The following KAZN variants were observed in gnomAD, a reference collection of about 807,000 sequenced individuals.
KAZN encodes kazrin.
KAZN carries 40 observed loss-of-function variants against 87.4 expected under a neutral mutation model. The ratio of observed to expected loss-of-function variants is 0.46; its 90% CI spans 0.36 to 0.60. The LOEUF (loss-of-function observed/expected upper bound fraction) is 0.60. KAZN is among the 20% of genes least tolerant of loss of function. The probability of loss-of-function intolerance (pLI) is 0.00; values close to 1 mark genes in which losing one functional copy is unlikely to be tolerated. For synonymous variants in KAZN, 466 were observed against 458.3 expected (o/e 1.02, Z -0.22); for missense variants, 898 against 1,073.9 (o/e 0.84, Z 2.29).
chr1:14,602,099 G>A (rs1383479169), intron 1 of KAZN, among the ~76,000 whole-genome samples: 1 of 152,132 alleles, frequency 6.6e-6, no homozygotes, highest in Non-Finnish European at 1.5e-5. Flanking sequence ...CAGTAGGTAG[G>A]TTGGTATCCC....
intron 1 of KAZN, among the ~76,000 whole-genome samples, chr1:14,938,239 C>A (rs1052571498): frequency 1.1e-4 from 17 of 152,146 alleles, no homozygotes; most frequent in Non-Finnish European, 1.5e-4. Context: ...AGATTAAGAT[C>A]ATTTGTATTG....
chr1:14,610,278 G>A (rs1677711800), intron 1 of KAZN, among the ~76,000 whole-genome samples: 1 of 152,178 alleles, frequency 6.6e-6, no homozygotes, highest in African/African-American at 2.4e-5. Flanking sequence ...CACAATCTCT[G>A]CTCACTGCAA....
intron 2 of KAZN, among the ~76,000 whole-genome samples, chr1:14,538,287 G>A (rs1406928161): frequency 6.6e-6 from 1 of 152,180 alleles, no homozygotes; most frequent in African/African-American, 2.4e-5. Context: ...GAAATTGTAT[G>A]TTTTTCTGAA....
chr1:14,464,974 A>T (rs1254817386), intron 2 of KAZN, among the ~76,000 whole-genome samples: 1 of 152,076 alleles, frequency 6.6e-6, no homozygotes, highest in Non-Finnish European at 1.5e-5. Flanking sequence ...TTATTATATT[A>T]CATCTCCTGA....
chr1:14,057,285 C>T (rs945057467), intron 1 of KAZN, among the ~76,000 whole-genome samples: 1 of 151,946 alleles, frequency 6.6e-6, no homozygotes, highest in African/African-American at 2.4e-5. Context: ...CAGGTGCTTA[C>T]CACCACACCG....
At chr1:14,999,501 T>A (rs201831598) in intron 2 of KAZN, among the ~76,000 whole-genome samples, 2 of 74,622 alleles carry the variant, frequency 2.7e-5, no homozygotes, top group African/African-American at 1.5e-4. Context: ...CCTGCCCCCC[T>A]CCCCCCGCCC....
chr1:14,225,371 A>G lies in KAZN; in HGVS notation c.249+44779A>G, dbSNP rs562833059. The stretch of plus-strand genomic sequence containing the variant: ...GAGAATTACAAAACACAGCTAAAGG[A>G]GATCAGAGATGACACAAACAAATGG... On this transcript the variant is annotated intron_variant, in intron 2 of 16. Coordinates refer to the KAZN transcript ENST00000636203. 2.5e-4 allele frequency among the ~76,000 whole-genome samples: 38 copies of G among 152,316 alleles called. No homozygotes were observed. The Middle Eastern group carries it at 0.01, about 41-fold the overall frequency.
intron 1 of KAZN, among the ~76,000 whole-genome samples, chr1:14,921,814 T>G (rs1036229646): frequency 6.6e-6 from 1 of 152,212 alleles, no homozygotes; most frequent in Admixed American, 6.5e-5. Context: ...TAGGTTCAAG[T>G]GATTCTCCTG....
chr1:14,845,943 C>T (rs996757509), intron 1 of KAZN, among the ~76,000 whole-genome samples: 3 of 152,070 alleles, frequency 2.0e-5, no homozygotes, highest in Admixed American at 6.6e-5. Flanking sequence ...ACAAAGCTGT[C>T]CAGGAGTCCT....
intron 1 of KAZN, among the ~76,000 whole-genome samples, chr1:14,686,588 G>A (rs904506764): frequency 1.3e-5 from 2 of 152,220 alleles, no homozygotes; most frequent in Non-Finnish European, 2.9e-5. Context: ...GAAAATCATA[G>A]CAAAATCAGC....
intron 1 of KAZN, among the ~76,000 whole-genome samples, chr1:13,922,407 AGAAGGTTATTTCTG>A (rs1395882294): frequency 3.3e-5 from 5 of 152,184 alleles, no homozygotes; most frequent in Non-Finnish European, 5.9e-5. Flanking sequence ...TAACAGAAGG[AGAAGGTTATTTCTG>A]TTTCCTATTG....
At chr1:14,241,771 T>C (rs1156560623) in intron 2 of KAZN, among the ~76,000 whole-genome samples, 1 of 152,232 alleles carries the variant, frequency 6.6e-6, no homozygotes, top group African/African-American at 2.4e-5. Flanking sequence ...AACTGGCCTC[T>C]GAAAGAAACT....
At chr1:14,530,612 G>C (rs1304359702) in intron 2 of KAZN, among the ~76,000 whole-genome samples, 1 of 151,882 alleles carries the variant, frequency 6.6e-6, no homozygotes, top group East Asian at 1.9e-4. Flanking sequence ...AAAGAGCCTG[G>C]CACCTCCTCC....
intron 1 of KAZN, among the ~76,000 whole-genome samples, chr1:14,677,375 C>A (rs1161958834): frequency 6.6e-6 from 1 of 152,122 alleles, no homozygotes; most frequent in Admixed American, 6.5e-5. Context: ...CCAAGACTCC[C>A]ATTGGAAAGG....
At chr1:14,653,535 T>C (rs1428828866) in intron 1 of KAZN, among the ~76,000 whole-genome samples, 1 of 152,194 alleles carries the variant, frequency 6.6e-6, no homozygotes, top group Non-Finnish European at 1.5e-5. Context: ...GCCCGGACTT[T>C]GTAGGAAATC....
chr1:14,003,944 A>G (rs959778606), intron 1 of KAZN, among the ~76,000 whole-genome samples: 7 of 152,200 alleles, frequency 4.6e-5, no homozygotes, highest in African/African-American at 1.7e-4. Context: ...AAGGCAGTTC[A>G]TGGAATGGAA....
At chr1:14,183,842 T>C (rs909060038) in intron 2 of KAZN, among the ~76,000 whole-genome samples, 1 of 152,136 alleles carries the variant, frequency 6.6e-6, no homozygotes, top group Admixed American at 6.5e-5. Flanking sequence ...TCTGTGCACC[T>C]AGGGGCTTCC....
intron 1 of KAZN, among the ~76,000 whole-genome samples, chr1:14,913,061 GT>G (rs1180083840): frequency 6.6e-6 from 1 of 152,184 alleles, no homozygotes; most frequent in African/African-American, 2.4e-5. Context: ...GCTTGTTAAG[GT>G]TGGCACGGGC....
chr1:15,065,317 C>T (rs1009287742), intron 7 of KAZN, among the ~76,000 whole-genome samples: 18 of 152,146 alleles, frequency 1.2e-4, no homozygotes, highest in Non-Finnish European at 1.0e-4. Context: ...TGTGAGCCAC[C>T]GTGCCTGGCC....
Sources: allele counts gnomAD v4.1 joint callset (sites outside exome capture counted in the v4.1 genomes callset), GRCh38; gene constraint gnomAD v4.1.1; transcripts MANE v1.5; gene names NCBI Gene and HGNC (gene_info 2026-07-23, HGNC 2026-07-21).